Variants in F8 observed in about 807,000 individuals in gnomAD.
F8 encodes coagulation factor VIII, also known as antihemophilic factor.
A neutral mutation model predicts 140.6 loss-of-function variants in F8; 12 were observed. That is an observed-to-expected ratio of 0.09 (90% confidence interval 0.05 to 0.14). F8 has a LOEUF of 0.14. F8 is among the 10% of genes least tolerant of loss of function. The pLI, the probability that F8 is intolerant of heterozygous loss-of-function variation, is 1.00. For synonymous variants in F8, 585 were observed against 614.6 expected (o/e 0.95, Z 0.71); for missense variants, 1,354 against 1,720.7 (o/e 0.79, Z 3.77).
intron 13 of F8, among the ~76,000 whole-genome samples, chrX:154,933,401 A>G (rs1181028905): frequency 8.9e-6 from 1 of 111,929 alleles, no homozygotes; most frequent in Non-Finnish European, 1.9e-5. Flanking sequence ...CAGCACTACA[A>G]ATATATAGAT....
intron 14 of F8, chrX:154,919,549 T>A: frequency 1.4e-6 from 1 of 696,449 alleles, no homozygotes; most frequent in Non-Finnish European, 2.0e-6. Context: ...AGACAATCAC[T>A]CAATCCTGGC....
chrX:154,906,655 G>A (rs781840560), intron 14 of F8, 82 bp from the exon 15 acceptor site: 56 of 929,792 alleles, frequency 6.0e-5, no homozygotes, highest in Non-Finnish European at 8.5e-5. Context: ...TTTCCTAGGT[G>A]CCTGAGAAGC....
At chrX:154,987,406 G>A in intron 4 of F8, 101 bp from the exon 5 acceptor site, 1 of 708,028 alleles carries the variant, frequency 1.4e-6, no homozygotes, top group Non-Finnish European at 2.2e-6. Flanking sequence ...TTGACAGTAA[G>A]AACAAATGTA....
chrX:154,982,441 G>C (rs1490511008), intron 6 of F8, among the ~76,000 whole-genome samples: 1 of 60,574 alleles, frequency 1.7e-5, no homozygotes. Context: ...GCAAGACTCC[G>C]TCTCAAAAAA....
intron 6 of F8, among the ~76,000 whole-genome samples, chrX:154,982,543 A>G (rs1485919285): frequency 5.4e-5 from 6 of 110,420 alleles, no homozygotes; most frequent in East Asian, 2.8e-4. Flanking sequence ...ATTACCATAA[A>G]ATATACAAAA....
intron 25 of F8, among the ~76,000 whole-genome samples, chrX:154,846,776 C>T (rs1427574041): frequency 3.6e-5 from 4 of 111,510 alleles, no homozygotes; most frequent in African/African-American, 1.3e-4. Context: ...GCAGTTAGCC[C>T]ATTTATGTTT....
intron 1 of F8, among the ~76,000 whole-genome samples, chrX:155,012,181 G>T (rs924977043): frequency 1.8e-5 from 2 of 112,157 alleles, no homozygotes; most frequent in Admixed American, 9.4e-5. Context: ...TGGAGATTTA[G>T]GAAAGGAAAA....
intron 22 of F8, among the ~76,000 whole-genome samples, chrX:154,892,054 T>C (rs782810984): frequency 5.6e-4 from 63 of 111,888 alleles, no homozygotes; most frequent in African/African-American, 1.8e-3. Context: ...GCCTCATCCA[T>C]GTCTGCCTAA....
chrX:154,985,773 A>G (rs1557284153), intron 5 of F8, among the ~76,000 whole-genome samples: 2 of 112,474 alleles, frequency 1.8e-5, no homozygotes, highest in Non-Finnish European at 3.8e-5. Flanking sequence ...CTCTGCTTTC[A>G]AGATGCTTAC....
At chrX:154,976,584 C>T (rs2073487423) in intron 6 of F8, among the ~76,000 whole-genome samples, 1 of 106,532 alleles carries the variant, frequency 9.4e-6, no homozygotes, top group Non-Finnish European at 1.9e-5. Context: ...TTCCCCCCAC[C>T]CCACAACAGT....
Position 155,007,029 on chromosome X carries a change from C to T in F8, c.144-7429G>A, listed in dbSNP as rs1450591296. ...ACTCCATTCCAGGGTTTCTGGGACA[C>T]CCGAGAAAGCACGTAGTCCAGGGAG... is the stretch of plus-strand genomic sequence containing the variant. On this transcript the variant is annotated intron_variant, in intron 1 of 25. Transcript: ENST00000360256. 8.6e-5 allele frequency among the ~76,000 whole-genome samples: 8 copies of T among 92,982 alleles called. No individual in the cohort carries two copies. The Admixed American group carries it at 9.7e-4, about 11-fold the overall frequency. The allele number at this position is 92,982 out of a possible 115,157, so 80.7% of individuals were successfully genotyped here.
intron 7 of F8, 146 bp downstream of exon 7, chrX:154,969,185 C>T: frequency 1.9e-6 from 1 of 528,114 alleles, no homozygotes; most frequent in South Asian, 3.6e-5. Flanking sequence ...AAGCTGGAAA[C>T]TAGGGGATCT....
chrX:154,923,951 A>G (rs1389203262), intron 14 of F8, among the ~76,000 whole-genome samples: 1 of 111,551 alleles, frequency 9.0e-6, no homozygotes, highest in Non-Finnish European at 1.9e-5. Flanking sequence ...AGCCTGCGTG[A>G]CAGAGCAAGA....
chrX:154,996,351 A>G (rs1339655411), intron 3 of F8, among the ~76,000 whole-genome samples: 1 of 111,619 alleles, frequency 9.0e-6, no homozygotes, highest in Non-Finnish European at 1.9e-5. Context: ...CCCCCTTAAG[A>G]CTCCTATAAG....
intron 25 of F8, among the ~76,000 whole-genome samples, chrX:154,848,326 C>A (rs1198795146): frequency 8.9e-6 from 1 of 112,735 alleles, no homozygotes; most frequent in Non-Finnish European, 1.9e-5. Flanking sequence ...CAGACAGGGA[C>A]ATTTAAGTCT....
rs1210824418 is a variant in F8 at position 154,837,595 on chromosome X, C to G, written c.*2G>C. ...CAGTGGCAGGTGCTGCAGTGGCCAC[C>G]CTCAGTAGAGGTCCTGTGCCTCGCA... On this transcript the variant is annotated 3_prime_UTR_variant, in exon 26 of 26. Coordinates refer to ENST00000360256, the MANE Select transcript of F8 (RefSeq NM_000132.4). 2.9e-5 allele frequency: 35 copies of G among 1,190,305 alleles called. No individual in the cohort carries two copies. The highest frequency in any genetic ancestry group is 3.8e-5 in the Non-Finnish European group (34 of 885,347).
intron 14 of F8, among the ~76,000 whole-genome samples, chrX:154,912,442 C>T (rs1267082692): frequency 1.8e-5 from 2 of 112,397 alleles, no homozygotes; most frequent in African/African-American, 3.2e-5. Flanking sequence ...TTCCCAACAT[C>T]ATTTATTGAA....
In F8 at chrX:154,971,785, C is replaced by T. The variant is rs143057747; in HGVS notation, c.788-2233G>A. Among the ~76,000 whole-genome samples the T allele has an allele frequency of 2.1e-3, 239 of 111,965 alleles. 1 individual carries two copies. Among genetic ancestry groups the T allele is most frequent in the African/African-American group, 7.2e-3 (221 of 30,876 alleles). ...CTGAGATCATGGAGTATTTGTCTTT[C>T]TCTGCCTGGCTTATTTCACTTAACA... On this transcript the variant is annotated intron_variant, in intron 6 of 25. Coordinates refer to ENST00000360256, the MANE Select transcript of F8 (RefSeq NM_000132.4).
Position 154,997,049 on chromosome X carries a change from G to T in F8, c.312C>A (p.Val104=), listed in dbSNP as rs1292609590. 15 of 1,208,494 alleles carry T rather than the reference G, an allele frequency of 1.2e-5. No individual in the cohort carries two copies. The highest frequency in any genetic ancestry group is 1.7e-5 in the Non-Finnish European group (15 of 894,024). Residue 104 remains valine (V), a synonymous_variant, in exon 3 of 26, where the codon GTC becomes GTA. Transcript: ENST00000360256. ...GGGAAGCCATGTTCTTAAGTGTAAT[G>T]ACCACTGTATCATAAACCTCAGCCT... is the stretch of plus-strand genomic sequence containing the variant. ...TIQAEVYDTV[V]ITLKNMASHP...
Sources: allele counts gnomAD v4.1 joint callset (sites outside exome capture counted in the v4.1 genomes callset), GRCh38; gene constraint gnomAD v4.1.1; transcripts MANE v1.5; gene names NCBI Gene and HGNC (gene_info 2026-07-23, HGNC 2026-07-21).